Variants in TIAM1 observed in about 807,000 individuals in gnomAD.
TIAM1 encodes rho guanine nucleotide exchange factor TIAM1.
TIAM1 carries 65 observed loss-of-function variants against 163.5 expected under a neutral mutation model. The observed-to-expected ratio is 0.40, with a 90% CI of 0.33 to 0.49. The LOEUF (loss-of-function observed/expected upper bound fraction) is 0.49, where lower values mean the gene tolerates loss of function less well. Ranked by LOEUF, TIAM1 falls within the 20% of genes least tolerant of loss-of-function variation. The probability of loss-of-function intolerance (pLI) is 0.77; values close to 1 mark genes in which losing one functional copy is unlikely to be tolerated. For synonymous variants in TIAM1, 833 were observed against 810.1 expected (o/e 1.03, Z -0.48); for missense variants, 1,789 against 2,044.7 (o/e 0.87, Z 2.41).
At chr21:31,131,306 G>A (rs948015787) in intron 23 of TIAM1, among the ~76,000 whole-genome samples, 4 of 152,152 alleles carry the variant, frequency 2.6e-5, no homozygotes, top group African/African-American at 7.2e-5. Flanking sequence ...TAATATAAAC[G>A]TCTTTCACAA....
At chr21:31,208,990 C>CT (rs1248975042) in intron 11 of TIAM1, among the ~76,000 whole-genome samples, 1 of 151,946 alleles carries the variant, frequency 6.6e-6, no homozygotes, top group African/African-American at 2.4e-5. Context: ...GACCAATTCA[C>CT]TCCCCTAAGA....
At position 31,474,592 on chromosome 21, in the gene TIAM1, C is replaced by T. The variant is rs150914436; in HGVS notation, c.-421-10557G>A. ...TGGAGTTTCACTCTTGTTGCCCAGG[C>T]TGAAGTGCAATGACGTGATCTCGGC... is the stretch of plus-strand genomic sequence containing the variant. On this transcript the variant is annotated intron_variant, in intron 1 of 28. Coordinates refer to the TIAM1 transcript ENST00000286827. Among the ~76,000 whole-genome samples the T allele has an allele frequency of 3.9e-3, 587 of 149,082 alleles. 4 individuals carry two copies. The highest frequency in any genetic ancestry group is 0.014 in the African/African-American group (548 of 40,126).
intron 1 of TIAM1, among the ~76,000 whole-genome samples, chr21:31,545,983 T>C (rs1285943732): frequency 6.6e-6 from 1 of 151,982 alleles, no homozygotes; most frequent in Non-Finnish European, 1.5e-5. Context: ...CTACTACTCA[T>C]CACAAAATCT....
At chr21:31,516,752 C>G (rs2047395764) in intron 1 of TIAM1, among the ~76,000 whole-genome samples, 1 of 150,820 alleles carries the variant, frequency 6.6e-6, no homozygotes, top group African/African-American at 2.4e-5. Context: ...AGCACAAAAT[C>G]CTTAGAAATA....
At chr21:31,238,207 T>C (rs1412216658) in intron 6 of TIAM1, among the ~76,000 whole-genome samples, 1 of 152,220 alleles carries the variant, frequency 6.6e-6, no homozygotes, top group Non-Finnish European at 1.5e-5. Flanking sequence ...TAATCATGGC[T>C]GATTGCCTGT....
intron 1 of TIAM1, among the ~76,000 whole-genome samples, chr21:31,523,163 T>A (rs2047663020): frequency 6.6e-6 from 1 of 152,134 alleles, no homozygotes; most frequent in Non-Finnish European, 1.5e-5. Flanking sequence ...AACATGTAAG[T>A]TATGTTTATT....
chr21:31,231,176 AAG>A (rs2088400380), intron 6 of TIAM1, among the ~76,000 whole-genome samples: 1 of 152,130 alleles, frequency 6.6e-6, no homozygotes, highest in African/African-American at 2.4e-5. Flanking sequence ...CTGGATCCAT[AAG>A]AGTCTAGGAT....
chr21:31,488,345 C>T (rs966980255), intron 1 of TIAM1, among the ~76,000 whole-genome samples: 2 of 152,144 alleles, frequency 1.3e-5, no homozygotes, highest in Non-Finnish European at 2.9e-5. Context: ...TCCAGGCAGT[C>T]CGACCCCAGT....
intron 25 of TIAM1, 116 bp downstream of exon 25, chr21:31,130,096 GA>G (rs386352639): frequency 0.056 from 31,021 of 551,758 alleles, 1 homozygote; most frequent in South Asian, 0.083. Context: ...TAAGCATAGG[GA>G]AAAAAAAAAA....
chr21:31,223,446 C>A lies in TIAM1; in HGVS notation c.1955G>T (p.Gly652Val). ...TGATACCGAAAAGATTCCAAGGCGG[C>A]CCATGGCCACTTTCGTTGGTCGACT... is the stretch of plus-strand genomic sequence containing the variant. ...FASRPTKVAM[G>V]RLGIFSVSSF... The change falls in exon 8 of 28, where the codon GGC (glycine) becomes GTC (valine). Residue 652 changes from glycine to valine, a missense_variant. Gly to Val is a moderately radical substitution (Grantham distance 109). Coordinates refer to ENST00000541036, the MANE Select transcript of TIAM1 (RefSeq NM_001353694.2). 3 of 1,613,850 alleles carry A rather than the reference C, an allele frequency of 1.9e-6. No individual in the cohort carries two copies. The highest frequency in any genetic ancestry group is 2.5e-6 in the Non-Finnish European group (3 of 1,179,808).
intron 6 of TIAM1, 66 bp downstream of exon 6, chr21:31,245,422 A>G: frequency 1.1e-6 from 1 of 930,538 alleles, no homozygotes; most frequent in East Asian, 3.6e-5. Context: ...CTGGGTGCCT[A>G]GGCAAGAAAA....
At chr21:31,160,290 C>G (rs533872032) in intron 16 of TIAM1, among the ~76,000 whole-genome samples, 108 of 152,262 alleles carry the variant, frequency 7.1e-4, no homozygotes, top group African/African-American at 2.5e-3. Context: ...ACAATACAGA[C>G]TTTATGAACA....
upstream of TIAM1, among the ~76,000 whole-genome samples, chr21:31,348,317 T>C (rs1374550738): frequency 1.3e-5 from 2 of 152,126 alleles, no homozygotes; most frequent in African/African-American, 2.4e-5. Flanking sequence ...CAAGCCTTCA[T>C]AGAACAAAAA....
chr21:31,511,676 A>C (rs1043836055), intron 1 of TIAM1, among the ~76,000 whole-genome samples: 1 of 152,194 alleles, frequency 6.6e-6, no homozygotes, highest in East Asian at 1.9e-4. Context: ...TGAAATCCCG[A>C]AGAATCCTGG....
At chr21:31,529,864 G>A (rs1461324462) in intron 1 of TIAM1, among the ~76,000 whole-genome samples, 1 of 152,202 alleles carries the variant, frequency 6.6e-6, no homozygotes, top group Non-Finnish European at 1.5e-5. Context: ...CACCAGGGAA[G>A]ATTCCACCTT....
At position 31,395,855 on chromosome 21, in the gene TIAM1, G is replaced by A. The variant is rs1400903313; in HGVS notation, c.-368-56433C>T. 6.6e-6 allele frequency among the ~76,000 whole-genome samples: 1 copy of A among 152,158 alleles called. No individual in the cohort carries two copies. The highest frequency in any genetic ancestry group is 1.5e-5 in the Non-Finnish European group (1 of 68,030). On this transcript the variant is annotated intron_variant, in intron 2 of 28. Coordinates refer to the TIAM1 transcript ENST00000286827. The surrounding 1 kb of genome is among the most constrained non-coding windows in gnomAD (Gnocchi z 7.5). ...CAACATGTACATGCCTGAAACAGCAGGCCAGTAGGGAGGGCCTGAACAGAA... is the reference window on the plus strand; with the variant it reads ...CAACATGTACATGCCTGAAACAGCAAGCCAGTAGGGAGGGCCTGAACAGAA...
intron 13 of TIAM1, among the ~76,000 whole-genome samples, chr21:31,194,942 T>C (rs2085772817): frequency 6.6e-6 from 1 of 152,216 alleles, no homozygotes. Flanking sequence ...ACTAAACTTG[T>C]TGTAATTTTA....
Position 31,430,271 on chromosome 21 carries a change from CACAT to C in TIAM1, c.-369+33708_-369+33711del, listed in dbSNP as rs1434057592. Among the ~76,000 whole-genome samples the C allele has an allele frequency of 1.6e-3, 222 of 139,180 alleles. 1 individual carries two copies. The highest frequency in any genetic ancestry group is 5.1e-3 in the African/African-American group (172 of 33,644). The allele number at this position is 139,180 out of a possible 152,430, so 91.3% of individuals were successfully genotyped here. The stretch of plus-strand genomic sequence containing the variant: ...ATACACACACACACACACACACACA[CACAT>C]ATATATATATATTGCACAGTGGGGA... On this transcript the variant is annotated intron_variant, in intron 2 of 28. Coordinates refer to the TIAM1 transcript ENST00000286827.
Position 31,155,709 on chromosome 21 carries a change from T to C in TIAM1, c.2992-1283A>G, listed in dbSNP as rs770235095. Among the ~76,000 whole-genome samples, 6 of 152,118 alleles carry C rather than the reference T, an allele frequency of 3.9e-5. No homozygotes were observed. The Middle Eastern group carries it at 0.01, about 259-fold the overall frequency. On this transcript the variant is annotated intron_variant, in intron 16 of 27. Coordinates refer to ENST00000541036, the MANE Select transcript of TIAM1 (RefSeq NM_001353694.2). ...TTAGGAGAGACGGGATTTCAACATG[T>C]TGGCCAGGATGGTCTCAATCTGACC...
Sources: gnomAD v4.1 joint callset for allele counts (sites outside exome capture counted in the v4.1 genomes callset) on GRCh38, gnomAD v4.1.1 for gene constraint, Gnocchi (gnomAD v3.1) non-coding constraint, MANE v1.5 for transcripts, NCBI Gene and HGNC (gene_info 2026-07-23, HGNC 2026-07-21) for gene names.